The following PCAT7 variants were observed in gnomAD, a reference collection of about 807,000 sequenced individuals.
PCAT7 encodes the protein prostate cancer associated transcript 7 (non-protein coding).
intron 2 of PCAT7, among the ~76,000 whole-genome samples, chr9:94,561,488 G>T (rs535635109): frequency 6.7e-6 from 1 of 148,524 alleles, no homozygotes; most frequent in Admixed American, 6.9e-5. Flanking sequence ...TCAGCCTCCC[G>T]AGTAGCTGGA....
intron 2 of PCAT7, among the ~76,000 whole-genome samples, chr9:94,562,452 G>A (rs773865691): frequency 7.2e-5 from 11 of 151,992 alleles, no homozygotes; most frequent in Non-Finnish European, 1.5e-4. Flanking sequence ...GAATACACCT[G>A]GGCTAAGCAC....
chr9:94,561,352 ATTTTTTTTTTTTTT>A (rs1174386595), intron 2 of PCAT7, among the ~76,000 whole-genome samples: 11 of 54,990 alleles, frequency 2.0e-4, no homozygotes, highest in Admixed American at 1.3e-3. Context: ...TGTGACCTGT[ATTTTTTTTTTTTTT>A]TTTTTTTTTT....
intron 2 of PCAT7, among the ~76,000 whole-genome samples, chr9:94,572,704 C>T (rs1012893397): frequency 2.2e-4 from 34 of 152,034 alleles, no homozygotes; most frequent in African/African-American, 8.0e-4. Flanking sequence ...TTAATTCACA[C>T]ACACACACAA....
intron 2 of PCAT7, among the ~76,000 whole-genome samples, chr9:94,561,833 T>G (rs1325574368): frequency 6.6e-6 from 1 of 152,120 alleles, no homozygotes; most frequent in Non-Finnish European, 1.5e-5. Flanking sequence ...ACTTTCAGTA[T>G]GGGTGGTGGT....
intron 2 of PCAT7, chr9:94,571,384 T>G: frequency 7.2e-7 from 1 of 1,392,104 alleles, no homozygotes; most frequent in Non-Finnish European, 9.6e-7. Flanking sequence ...AACCAGGACA[T>G]TATCGCAGAG....
chr9:94,569,851 A>G (rs1392841200), intron 2 of PCAT7: 1 of 152,136 alleles, frequency 6.6e-6, no homozygotes, highest in Non-Finnish European at 1.5e-5. Context: ...AATCCCACAG[A>G]CCTCACAGGC....
intron 2 of PCAT7, among the ~76,000 whole-genome samples, chr9:94,566,185 A>C (rs1183566278): frequency 6.6e-6 from 1 of 152,250 alleles, no homozygotes; most frequent in East Asian, 1.9e-4. Flanking sequence ...TTTAAAGGGC[A>C]CTGTTGGGAA....
chr9:94,565,793 A>AGAT (rs1564180729), intron 2 of PCAT7, among the ~76,000 whole-genome samples: 149 of 128,032 alleles, frequency 1.2e-3, no homozygotes, highest in African/African-American at 5.5e-3. Context: ...GATAGATGAT[A>AGAT]GATAGGTGAG....
intron 2 of PCAT7, chr9:94,571,727 G>A (rs1276972141): frequency 2.8e-5 from 24 of 847,162 alleles, no homozygotes; most frequent in Non-Finnish European, 3.5e-5. Flanking sequence ...ATTTTAAGCT[G>A]CTGCAAATCC....
Position 94,558,929 on chromosome 9 carries a change from T to A in PCAT7, n.258-40T>A, listed in dbSNP as rs373828719. On this transcript the variant is annotated intron_variant and non_coding_transcript_variant, in intron 1 of 8. Coordinates refer to ENST00000647389, the Ensembl canonical transcript of PCAT7. ...GACAAACAGAAGAGGGCATGTGGGGTCAAACTCGCTAGCTGCCTGCCTGAT... is the reference window on the plus strand; with the variant it reads ...GACAAACAGAAGAGGGCATGTGGGGACAAACTCGCTAGCTGCCTGCCTGAT... 37 of 1,613,696 alleles carry A rather than the reference T, an allele frequency of 2.3e-5. No homozygotes were observed. In the African/African-American group the frequency reaches 4.5e-4, roughly 20 times the overall value.
At chr9:94,563,330 A>G in intron 2 of PCAT7, 1 of 1,613,342 alleles carries the variant, frequency 6.2e-7, no homozygotes, top group Non-Finnish European at 8.5e-7. Context: ...CCAGTGGACA[A>G]GGGAGAATTA....
chr9:94,561,352 A>AC (rs1827097696), intron 2 of PCAT7, among the ~76,000 whole-genome samples: 4 of 54,990 alleles, frequency 7.3e-5, no homozygotes, highest in African/African-American at 3.1e-4. Flanking sequence ...TGTGACCTGT[A>AC]TTTTTTTTTT....
intron 2 of PCAT7, chr9:94,563,257 G>A: frequency 3.4e-6 from 5 of 1,470,098 alleles, no homozygotes; most frequent in Admixed American, 3.9e-5. Context: ...ATGAAGCAGT[G>A]CAGTAGCCAA....
chr9:94,555,190 C>G (rs1354674318), exon 1 of PCAT7: 1 of 151,930 alleles, frequency 6.6e-6, no homozygotes, highest in Admixed American at 6.6e-5. Flanking sequence ...CAGTGCCCGG[C>G]TTAGAAGACC....
intron 2 of PCAT7, chr9:94,569,871 CCCA>C (rs1234541970): frequency 6.6e-6 from 1 of 152,250 alleles, no homozygotes; most frequent in Non-Finnish European, 1.5e-5. Context: ...CTCAGTTTGA[CCCA>C]CCAGGGAATG....
At chr9:94,566,148 C>G (rs574661793) in intron 2 of PCAT7, among the ~76,000 whole-genome samples, 1 of 152,324 alleles carries the variant, frequency 6.6e-6, no homozygotes. Flanking sequence ...CTTTTGACTT[C>G]TTTTTGTTTC....
intron 3 of PCAT7, among the ~76,000 whole-genome samples, chr9:94,574,493 A>C (rs1027189199): frequency 2.6e-5 from 4 of 152,024 alleles, no homozygotes; most frequent in African/African-American, 9.7e-5. Flanking sequence ...TTTTTCTATC[A>C]GGATATTCAA....
intron 2 of PCAT7, among the ~76,000 whole-genome samples, chr9:94,561,724 G>A (rs915009535): frequency 2.0e-5 from 3 of 152,118 alleles, no homozygotes; most frequent in Non-Finnish European, 2.9e-5. Context: ...GACACACACA[G>A]GATAGGAGTG....
chr9:94,570,454 G>A (rs2772012), intron 2 of PCAT7: 73,515 of 151,600 alleles, frequency 0.48, 18,379 homozygotes, highest in East Asian at 0.6. Flanking sequence ...GGGCCACTGT[G>A]ACATTTAAAT....
Sources: allele counts gnomAD v4.1 joint callset (sites outside exome capture counted in the v4.1 genomes callset), GRCh38; gene constraint gnomAD v4.1.1; transcripts MANE v1.5; gene names NCBI Gene and HGNC (gene_info 2026-07-23, HGNC 2026-07-21).